Variants in RSRP1 observed in about 807,000 individuals in gnomAD.
RSRP1 encodes the protein arginine and serine rich protein 1, also known as arginine/serine-rich protein 1.
A neutral mutation model predicts 33.0 loss-of-function variants in RSRP1; 37 were observed. That is an observed-to-expected ratio of 1.12 (90% confidence interval 0.86 to 1.48). The LOEUF is 1.48. RSRP1 is among the 40% of genes most tolerant of loss of function. The pLI, the probability that RSRP1 is intolerant of heterozygous loss-of-function variation, is 0.00. For missense variants in RSRP1, 402 were observed against 385.3 expected, an observed-to-expected ratio of 1.04 and a Z score of -0.36; for synonymous variants, 167 against 158.7, an observed-to-expected ratio of 1.05 and a Z score of -0.40.
rs1335443403 is a variant in RSRP1 at position 25,283,502 on chromosome 1, G to A, written c.-66-36473C>T. On this transcript the variant is annotated intron_variant, in intron 1 of 1. Coordinates refer to the RSRP1 transcript ENST00000561867. The stretch of plus-strand genomic sequence containing the variant: ...GCCAAGATCTTGCCACTGTACTCCA[G>A]CCTGGGTGACGAGTGAAACTCTATC... 1.7e-4 allele frequency among the ~76,000 whole-genome samples: 22 copies of A among 126,898 alleles called. 4 individuals carry two copies. The highest frequency in any genetic ancestry group is 3.6e-5 in the Non-Finnish European group (2 of 55,178). 83.3% of individuals were successfully genotyped at this position (126,898 alleles called of 152,430 possible).
intron 1 of RSRP1, among the ~76,000 whole-genome samples, chr1:25,260,064 G>A (rs1640082771): frequency 6.6e-6 from 1 of 152,096 alleles, no homozygotes; most frequent in Non-Finnish European, 1.5e-5. Flanking sequence ...AACAGGATGT[G>A]GAAAATGAAT....
chr1:25,263,565 C>T (rs930347928), intron 1 of RSRP1, among the ~76,000 whole-genome samples: 17 of 151,928 alleles, frequency 1.1e-4, no homozygotes, highest in African/African-American at 4.1e-4. Context: ...AGACCTGTCC[C>T]CATGATTCAG....
intron 1 of RSRP1, among the ~76,000 whole-genome samples, chr1:25,256,663 C>T (rs891617734): frequency 6.6e-6 from 1 of 152,086 alleles, no homozygotes; most frequent in Non-Finnish European, 1.5e-5. Flanking sequence ...TGGGGTTTCA[C>T]CATATTGCCC....
In RSRP1 at chr1:25,279,056, G is replaced by T. The variant is rs1442492660; in HGVS notation, c.-66-32027C>A. ...AGGAGGGGCAAGAGTGGGAGGGGGC[G>T]CAGATCCAGAATCACGGAGGCAGCT... is the stretch of plus-strand genomic sequence containing the variant. On this transcript the variant is annotated intron_variant, in intron 1 of 1. Transcript: ENST00000561867. 2.3e-5 allele frequency among the ~76,000 whole-genome samples: 3 copies of T among 129,710 alleles called. 1 individual carries two copies. The highest frequency in any genetic ancestry group is 5.4e-5 in the Non-Finnish European group (3 of 55,142). The allele number at this position is 129,710 out of a possible 152,430, so 85.1% of individuals were successfully genotyped here.
intron 1 of RSRP1, among the ~76,000 whole-genome samples, chr1:25,309,167 A>G (rs1644008492): frequency 7.6e-6 from 1 of 132,110 alleles, no homozygotes; most frequent in African/African-American, 2.6e-5. Context: ...TATTCAGATG[A>G]GCATATGTGA....
chr1:25,295,864 T>G lies in RSRP1; in HGVS notation c.-67+42114A>C, dbSNP rs1342521569. Among the ~76,000 whole-genome samples the G allele has an allele frequency of 5.4e-4, 56 of 104,142 alleles. 7 individuals carry two copies. Among genetic ancestry groups the G allele is most frequent in the Admixed American group, 2.0e-3 (23 of 11,258 alleles). The allele number at this position is 104,142 out of a possible 152,430, so 68.3% of individuals were successfully genotyped here. A position where few individuals can be genotyped will look rare whatever the true frequency, so the allele number is the denominator to read the frequency against. ...GAATATGGGAAATTTTTTTTTTTTT[T>G]TTTTTTTTTTTTTTTGAGATGGAGT... On this transcript the variant is annotated intron_variant, in intron 1 of 1. Transcript: ENST00000561867.
In RSRP1 at chr1:25,332,809, C is replaced by G. The variant is rs181968542; in HGVS notation, c.-67+5169G>C. Among the ~76,000 whole-genome samples the G allele has an allele frequency of 2.6e-4, 35 of 132,380 alleles. 8 individuals are homozygous for G. Among genetic ancestry groups the G allele is most frequent in the Non-Finnish European group, 5.5e-4 (31 of 55,892 alleles). The allele number at this position is 132,380 out of a possible 152,430, so 86.8% of individuals were successfully genotyped here. On this transcript the variant is annotated intron_variant, in intron 1 of 1. Transcript: ENST00000561867. ...ACGTAGTCAGGGTTCCCCAGAGAGA[C>G]ACAGCCAATCGATACATAGATATAT...
Position 25,290,841 on chromosome 1 carries a change from T to TC in RSRP1, c.-66-43813dup. 3 of 1,358,344 alleles carry TC rather than the reference T, an allele frequency of 2.2e-6. 1 individual carries two copies. The allele number at this position is 1,358,344 out of a possible 1,614,324, so 84.1% of individuals were successfully genotyped here. On this transcript the variant is annotated intron_variant, in intron 1 of 1. Coordinates refer to the RSRP1 transcript ENST00000561867. ...GACCTGGGAGAAAAGGGCCAAAAGC[T>TC]CCATTTGGTGGGGTTTCCAGGGTTT...
At chr1:25,264,205 G>C (rs984427172) in intron 1 of RSRP1, among the ~76,000 whole-genome samples, 1 of 151,946 alleles carries the variant, frequency 6.6e-6, no homozygotes, top group African/African-American at 2.4e-5. Context: ...AGCTCCACTA[G>C]GTGGTGCCCC....
chr1:25,245,677 T>C (rs1196893016), intron 2 of RSRP1, among the ~76,000 whole-genome samples: 1 of 152,216 alleles, frequency 6.6e-6, no homozygotes, highest in East Asian at 1.9e-4. Context: ...AGAATAAAAT[T>C]CTTAAATTAT....
chr1:25,304,486 G>T lies in RSRP1; in HGVS notation c.-67+33492C>A, dbSNP rs1466638214. On this transcript the variant is annotated intron_variant, in intron 1 of 1. Coordinates refer to the RSRP1 transcript ENST00000561867. ...GGTGGCGGGCACCTGTCATCTTAGC[G>T]ACTCAGGAGGCTGAGACACGAGAAT... is the stretch of plus-strand genomic sequence containing the variant. 1.2e-4 allele frequency: 15 copies of T among 129,508 alleles called. 5 individuals are homozygous for T. Among genetic ancestry groups the T allele is most frequent in the Admixed American group, 4.5e-4 (6 of 13,312 alleles). The allele number at this position is 129,508 out of a possible 1,614,324, so 8.0% of individuals were successfully genotyped here. A position where few individuals can be genotyped will look rare whatever the true frequency, so the allele number is the denominator to read the frequency against.
chr1:25,252,958 G>T (rs1481724193), intron 1 of RSRP1, among the ~76,000 whole-genome samples: 2 of 152,238 alleles, frequency 1.3e-5, no homozygotes, highest in Non-Finnish European at 2.9e-5. Context: ...CGAGGCAGAT[G>T]ATGTATTTAT....
chr1:25,244,679 A>G, intron 3 of RSRP1: 1 of 1,195,554 alleles, frequency 8.4e-7, no homozygotes, highest in South Asian at 1.6e-5. Context: ...TTAACTGAAA[A>G]TGAAAAAAAT....
Position 25,318,752 on chromosome 1 carries a change from C to T in RSRP1, c.-67+19226G>A, listed in dbSNP as rs1278585159. Among the ~76,000 whole-genome samples, 3 of 132,534 alleles carry T rather than the reference C, an allele frequency of 2.3e-5. 1 individual carries two copies. The South Asian group carries it at 6.9e-4, about 30-fold the overall frequency. 86.9% of individuals were successfully genotyped at this position (132,534 alleles called of 152,430 possible). A position where few individuals can be genotyped will look rare whatever the true frequency, so the allele number is the denominator to read the frequency against. ...ACACTATGAGTTGTGTGACGTTGGG[C>T]ATGTCACTTTACTCCCTCTGAGCCT... On this transcript the variant is annotated intron_variant, in intron 1 of 1. Coordinates refer to the RSRP1 transcript ENST00000561867.
At position 25,332,676 on chromosome 1, in the gene RSRP1, A is replaced by C. The variant is rs149910572; in HGVS notation, c.-67+5302T>G. 9.5e-3 allele frequency among the ~76,000 whole-genome samples: 1,260 copies of C among 132,762 alleles called. 310 individuals carry two copies. Among genetic ancestry groups the C allele is most frequent in the South Asian group, 0.053 (229 of 4,332 alleles). The allele number at this position is 132,762 out of a possible 152,430, so 87.1% of individuals were successfully genotyped here. On this transcript the variant is annotated intron_variant, in intron 1 of 1. Transcript: ENST00000561867. ...GATACAGCAGTAAACAAATGCATAA[A>C]GTCCCTGTCCCCATGAAACTTGTAT...
Position 25,304,734 on chromosome 1 carries a change from A to G in RSRP1, c.-67+33244T>C, listed in dbSNP as rs1643664142. On this transcript the variant is annotated intron_variant, in intron 1 of 1. Coordinates refer to the RSRP1 transcript ENST00000561867. ...AAATTAAATAAGGAAAAACGTATCAATACTTCGATTAACCAAAACCAGGGC... is the reference window on the plus strand; with the variant it reads ...AAATTAAATAAGGAAAAACGTATCAGTACTTCGATTAACCAAAACCAGGGC... 3 of 132,470 alleles carry G rather than the reference A, an allele frequency of 2.3e-5. 1 individual carries two copies. Among genetic ancestry groups the G allele is most frequent in the Non-Finnish European group, 5.3e-5 (3 of 56,160 alleles). 8.2% of individuals were successfully genotyped at this position (132,470 alleles called of 1,614,324 possible).
rs376795548 is a variant in RSRP1, at chr1:25,261,705, A to ATT, written c.-66-14678_-66-14677dup. Among the ~76,000 whole-genome samples the ATT allele has an allele frequency of 6.1e-3, 574 of 93,606 alleles. 9 individuals are homozygous for ATT. Among genetic ancestry groups the ATT allele is most frequent in the African/African-American group, 0.014 (322 of 22,328 alleles). The allele number at this position is 93,606 out of a possible 152,430, so 61.4% of individuals were successfully genotyped here. Reference sequence around the variant, plus strand: ...AGGCATGAGCCACCGCGCCCAGCAGATTTTTTTTTTTTTTTTTTTTTTTTG... The same window carrying ATT: ...AGGCATGAGCCACCGCGCCCAGCAGATTTTTTTTTTTTTTTTTTTTTTTTTTG... On this transcript the variant is annotated intron_variant, in intron 1 of 1. Transcript: ENST00000561867.
intron 1 of RSRP1, chr1:25,306,481 G>C: frequency 3.0e-6 from 3 of 1,001,090 alleles, no homozygotes; most frequent in South Asian, 2.6e-5. Context: ...TCTTTGAGGT[G>C]AGCCTTAGTG....
intron 1 of RSRP1, chr1:25,307,760 G>C: frequency 7.7e-7 from 1 of 1,305,898 alleles, no homozygotes. Flanking sequence ...ACCGGTTCTT[G>C]GATGCCTTCT....
Sources: allele counts gnomAD v4.1 joint callset (sites outside exome capture counted in the v4.1 genomes callset), GRCh38; gene constraint gnomAD v4.1.1; transcripts MANE v1.5; gene names NCBI Gene and HGNC (gene_info 2026-07-23, HGNC 2026-07-21).